MTUS2: variants seen among roughly 807,000 people sequenced by gnomAD.
MTUS2 encodes microtubule associated scaffold protein 2.
MTUS2 carries 40 observed loss-of-function variants against 114.1 expected under a neutral mutation model. That is an observed-to-expected ratio of 0.35 (90% CI 0.27 to 0.46). MTUS2 has a LOEUF of 0.46. Among genes scored for constraint, MTUS2 ranks in the 20% least tolerant of loss-of-function variants. MTUS2 has a pLI of 1.00. For synonymous variants in MTUS2, 688 were observed against 672.0 expected (o/e 1.02, Z -0.37); for missense variants, 1,679 against 1,705.4 (o/e 0.98, Z 0.27).
intron 2 of MTUS2, among the ~76,000 whole-genome samples, chr13:28,918,988 A>G (rs918339642): frequency 6.6e-6 from 1 of 152,028 alleles, no homozygotes; most frequent in Non-Finnish European, 1.5e-5. Context: ...AATCCCTCCC[A>G]TTTTTAAACT....
At chr13:29,122,929 A>G (rs146061584) in intron 5 of MTUS2, among the ~76,000 whole-genome samples, 1 of 152,374 alleles carries the variant, frequency 6.6e-6, no homozygotes, top group East Asian at 1.9e-4. Flanking sequence ...ACAATTTCTA[A>G]TGATCAGCCA....
chr13:28,957,495 A>T (rs976768034), intron 2 of MTUS2, among the ~76,000 whole-genome samples: 2 of 152,224 alleles, frequency 1.3e-5, no homozygotes, highest in African/African-American at 4.8e-5. Context: ...ACATGCACAG[A>T]CTTTTTTTCT....
At chr13:29,441,691 C>G (rs1877888711) in intron 9 of MTUS2, among the ~76,000 whole-genome samples, 1 of 152,144 alleles carries the variant, frequency 6.6e-6, no homozygotes, top group African/African-American at 2.4e-5. Flanking sequence ...TTCTGTTCTT[C>G]TCTAAGGAAG....
At chr13:29,131,386 C>A (rs1450990956) in intron 5 of MTUS2, among the ~76,000 whole-genome samples, 1 of 152,226 alleles carries the variant, frequency 6.6e-6, no homozygotes, top group East Asian at 1.9e-4. Context: ...AGACAGCTAA[C>A]TTAGAGATGC....
intron 1 of MTUS2, among the ~76,000 whole-genome samples, chr13:28,830,762 T>C (rs918328566): frequency 1.9e-4 from 29 of 151,932 alleles, no homozygotes; most frequent in Non-Finnish European, 4.0e-4. Context: ...GGACAAAAAC[T>C]CAAGCAGCAA....
chr13:29,158,358 C>CCCCCCCCCCTCTTT, intron 5 of MTUS2, among the ~76,000 whole-genome samples: 8 of 32,056 alleles, frequency 2.5e-4, no homozygotes, highest in African/African-American at 8.2e-4. Context: ...GTCCACCCCG[C>CCCCCCCCCCTCTTT]TTTTTTTTTT....
rs1160320067 is a variant in MTUS2, at chr13:28,820,377, G to A, written c.-550G>A. ...AGCGCCGGCGGCTCCAGGTGCGGGGGCGCCCCTCGCGCTCCACCTGCGCCG... is the reference window on the plus strand; with the variant it reads ...AGCGCCGGCGGCTCCAGGTGCGGGGACGCCCCTCGCGCTCCACCTGCGCCG... On this transcript the variant is annotated 5_prime_UTR_variant, in exon 1 of 16. Transcript: ENST00000612955. 3 of 151,522 alleles carry A rather than the reference G, an allele frequency of 2.0e-5. No homozygotes were observed. Among genetic ancestry groups the A allele is most frequent in the South Asian group, 2.1e-4 (1 of 4,834 alleles). 9.4% of individuals were successfully genotyped at this position (151,522 alleles called of 1,614,324 possible).
chr13:29,398,486 AAAAAG>A (rs1218565189), intron 8 of MTUS2, among the ~76,000 whole-genome samples: 2 of 108,358 alleles, frequency 1.8e-5, no homozygotes, highest in Non-Finnish European at 4.4e-5. Context: ...AAAAAGAAAG[AAAAAG>A]AAAAAAAAAA....
intron 1 of MTUS2, among the ~76,000 whole-genome samples, chr13:28,838,048 G>A (rs1472804549): frequency 2.0e-5 from 3 of 152,066 alleles, no homozygotes; most frequent in African/African-American, 7.2e-5. Context: ...ACAGAATGCT[G>A]ATTTTAATCT....
intron 7 of MTUS2, among the ~76,000 whole-genome samples, chr13:29,325,538 GAA>G (rs1491243220): frequency 1.8e-4 from 25 of 137,248 alleles, no homozygotes; most frequent in East Asian, 1.3e-3. Context: ...GGAAGGAGAA[GAA>G]AAGAAGAAGG....
intron 5 of MTUS2, among the ~76,000 whole-genome samples, chr13:29,153,030 C>T (rs1593533611): frequency 6.6e-6 from 1 of 152,198 alleles, no homozygotes; most frequent in East Asian, 1.9e-4. Context: ...ATCCTGTGAC[C>T]CTGGAGAAAT....
intron 4 of MTUS2, among the ~76,000 whole-genome samples, chr13:29,086,478 C>G (rs977708567): frequency 6.6e-6 from 1 of 152,066 alleles, no homozygotes; most frequent in African/African-American, 2.4e-5. Context: ...TTCCACTGGT[C>G]TGTGTGTTTG....
intron 1 of MTUS2, among the ~76,000 whole-genome samples, chr13:28,838,233 C>A (rs1219674725): frequency 6.6e-6 from 1 of 152,170 alleles, no homozygotes. Context: ...ATTATTTAAA[C>A]CCTTTGTTAT....
chr13:29,359,220 G>GT, intron 7 of MTUS2, 42 bp from the exon 8 acceptor site: 2 of 1,538,298 alleles, frequency 1.3e-6, no homozygotes, highest in Non-Finnish European at 1.8e-6. Context: ...TGTACTGAGT[G>GT]TTTTTTCACA....
At chr13:29,378,507 C>T (rs1321784590) in intron 8 of MTUS2, among the ~76,000 whole-genome samples, 1 of 152,102 alleles carries the variant, frequency 6.6e-6, no homozygotes, top group African/African-American at 2.4e-5. Flanking sequence ...CTCGTGCCCC[C>T]TCTGACTTGG....
chr13:28,919,084 A>G (rs1287417100), intron 2 of MTUS2, among the ~76,000 whole-genome samples: 2 of 152,104 alleles, frequency 1.3e-5, no homozygotes, highest in African/African-American at 4.8e-5. Flanking sequence ...TAGTCTTTCT[A>G]CTTAAGGTAA....
chr13:29,204,326 T>C (rs1895090860), intron 5 of MTUS2, among the ~76,000 whole-genome samples: 1 of 152,176 alleles, frequency 6.6e-6, no homozygotes. Context: ...AATTCTTATA[T>C]GAGCTAAATG....
intron 2 of MTUS2, among the ~76,000 whole-genome samples, chr13:28,842,185 A>G (rs547533847): frequency 6.6e-6 from 1 of 152,110 alleles, no homozygotes; most frequent in African/African-American, 2.4e-5. Flanking sequence ...CACACAAATG[A>G]TCTATGTTTT....
rs1886420862 is a variant in MTUS2, at chr13:29,024,481, T to C, written c.-218T>C. 1.7e-6 allele frequency: 1 copy of C among 572,480 alleles called. No individual in the cohort carries two copies. Among genetic ancestry groups the C allele is most frequent in the Non-Finnish European group, 3.0e-6 (1 of 328,880 alleles). 35.5% of individuals were successfully genotyped at this position (572,480 alleles called of 1,614,324 possible). A position where few individuals can be genotyped will look rare whatever the true frequency, so the allele number is the denominator to read the frequency against. ...GGTCTCATGGACTGATTGGCTCTCA[T>C]TCAGCAGGAACCTAACAGATAAGTC... On this transcript the variant is annotated 5_prime_UTR_variant, in exon 3 of 16. Transcript: ENST00000612955.
Sources: allele counts gnomAD v4.1 joint callset (sites outside exome capture counted in the v4.1 genomes callset), GRCh38; gene constraint gnomAD v4.1.1; transcripts MANE v1.5; gene names NCBI Gene and HGNC (gene_info 2026-07-23, HGNC 2026-07-21).